The following ITGB6 variants were observed in gnomAD, a reference collection of about 807,000 sequenced individuals.
ITGB6 encodes the protein integrin subunit beta 6.
A neutral mutation model predicts 84.5 loss-of-function variants in ITGB6; 80 were observed. The ratio of observed to expected loss-of-function variants is 0.95; its 90% CI spans 0.79 to 1.14. The LOEUF (loss-of-function observed/expected upper bound fraction) is 1.14, where lower values mean the gene tolerates loss of function less well. Ranked by LOEUF, ITGB6 falls within the 50% of genes most tolerant of loss-of-function variation. The probability of loss-of-function intolerance (pLI) is 0.00; values close to 1 mark genes in which losing one functional copy is unlikely to be tolerated. For synonymous variants in ITGB6, 383 were observed against 354.9 expected (o/e 1.08, Z -0.89); for missense variants, 1,006 against 968.0 (o/e 1.04, Z -0.52).
At chr2:160,118,016 T>A (rs1682862078) in intron 12 of ITGB6, among the ~76,000 whole-genome samples, 1 of 152,218 alleles carries the variant, frequency 6.6e-6, no homozygotes, top group Non-Finnish European at 1.5e-5. Context: ...ATTGTGGCAA[T>A]AATCAATAGC....
chr2:160,118,308 T>C (rs1682873894), intron 12 of ITGB6, among the ~76,000 whole-genome samples: 1 of 152,202 alleles, frequency 6.6e-6, no homozygotes, highest in Non-Finnish European at 1.5e-5. Context: ...TCAAAAAGCT[T>C]ATCCACCATG....
intron 3 of ITGB6, 28 bp from the exon 4 acceptor site, chr2:160,195,643 C>T (rs908228818): frequency 3.1e-6 from 5 of 1,611,518 alleles, no homozygotes; most frequent in Admixed American, 1.7e-5. Flanking sequence ...AAAAGCAAAC[C>T]CAGGAAAACA....
At position 160,132,764 on chromosome 2, in the gene ITGB6, T is replaced by G. The variant is rs147730370; in HGVS notation, c.1660+4670A>C. Among the ~76,000 whole-genome samples the G allele has an allele frequency of 8.6e-3, 1,312 of 152,306 alleles. 25 individuals carry two copies. The highest frequency in any genetic ancestry group is 0.028 in the African/African-American group (1,175 of 41,576). Reference sequence around the variant, plus strand: ...TAAAAGAATGATTTTACAATAGTCATATACAATATATCGTTAAACTATAGC... The same window carrying G: ...TAAAAGAATGATTTTACAATAGTCAGATACAATATATCGTTAAACTATAGC... On this transcript the variant is annotated intron_variant, in intron 10 of 14. Transcript: ENST00000283249.
At chr2:160,158,009 A>C (rs1684690693) in intron 7 of ITGB6, among the ~76,000 whole-genome samples, 1 of 152,146 alleles carries the variant, frequency 6.6e-6, no homozygotes, top group African/African-American at 2.4e-5. Context: ...ATTATGCAAA[A>C]GTTTACCCCC....
intron 11 of ITGB6, among the ~76,000 whole-genome samples, chr2:160,124,230 G>A (rs908592952): frequency 3.3e-5 from 5 of 152,292 alleles, no homozygotes; most frequent in South Asian, 2.1e-4. Context: ...TACAGAGAGC[G>A]TATGTTCCTA....
Position 160,101,522 on chromosome 2 carries a change from C to T in ITGB6, c.*214G>A, listed in dbSNP as rs941055511. 8 of 512,360 alleles carry T rather than the reference C, an allele frequency of 1.6e-5. No homozygotes were observed. Among genetic ancestry groups the T allele is most frequent in the Non-Finnish European group, 2.7e-5 (8 of 292,380 alleles). 31.7% of individuals were successfully genotyped at this position (512,360 alleles called of 1,614,324 possible). A position where few individuals can be genotyped will look rare whatever the true frequency, so the allele number is the denominator to read the frequency against. ...ACAGAGTTAGTATTCCTCAAATGAT[C>T]CCCAAAGTCATCTCTTTGCTAAGGA... On this transcript the variant is annotated 3_prime_UTR_variant, in exon 15 of 15. Coordinates refer to ENST00000283249, the MANE Select transcript of ITGB6 (RefSeq NM_000888.5).
chr2:160,188,955 C>G (rs936482851), intron 4 of ITGB6, among the ~76,000 whole-genome samples: 4 of 152,082 alleles, frequency 2.6e-5, no homozygotes, highest in Non-Finnish European at 5.9e-5. Context: ...TCAAACTATA[C>G]TACAAGGCTA....
chr2:160,146,492 A>C (rs1461422177), intron 7 of ITGB6, among the ~76,000 whole-genome samples: 1 of 152,198 alleles, frequency 6.6e-6, no homozygotes, highest in African/African-American at 2.4e-5. Context: ...CTGGAAATAG[A>C]CTTACTATAT....
At chr2:160,158,600 G>A (rs1404821690) in intron 7 of ITGB6, among the ~76,000 whole-genome samples, 1 of 152,232 alleles carries the variant, frequency 6.6e-6, no homozygotes, top group Non-Finnish European at 1.5e-5. Context: ...AGGAAGTGAT[G>A]TGGGGTTCAG....
At chr2:160,184,850 A>G (rs907397004) in intron 4 of ITGB6, among the ~76,000 whole-genome samples, 17 of 152,218 alleles carry the variant, frequency 1.1e-4, no homozygotes, top group African/African-American at 3.9e-4. Flanking sequence ...AACATAATCC[A>G]TCGCATAAAC....
chr2:160,172,872 T>C, intron 5 of ITGB6, 142 bp from the exon 6 acceptor site: 1 of 567,966 alleles, frequency 1.8e-6, no homozygotes, highest in Non-Finnish European at 3.1e-6. Context: ...CGTGAATTGA[T>C]AATATTAATG....
At chr2:160,116,722 T>C (rs928781899) in intron 12 of ITGB6, among the ~76,000 whole-genome samples, 32 of 152,180 alleles carry the variant, frequency 2.1e-4, no homozygotes, top group Non-Finnish European at 4.3e-4. Flanking sequence ...GACTGGCAAA[T>C]TGGATGAAGA....
chr2:160,173,656 AT>A (rs1282161077), intron 5 of ITGB6, among the ~76,000 whole-genome samples: 3 of 152,230 alleles, frequency 2.0e-5, no homozygotes, highest in African/African-American at 7.2e-5. Context: ...TCTACCCTTG[AT>A]TTTTTTATCA....
At chr2:160,128,580 C>T (rs141764326) in intron 10 of ITGB6, among the ~76,000 whole-genome samples, 97 of 152,236 alleles carry the variant, frequency 6.4e-4, no homozygotes, top group African/African-American at 2.3e-3. Context: ...AGGCGGTGCC[C>T]ATGGGAGCAG....
At chr2:160,116,663 A>G (rs914575993) in intron 12 of ITGB6, among the ~76,000 whole-genome samples, 2 of 149,186 alleles carry the variant, frequency 1.3e-5, no homozygotes, top group African/African-American at 5.0e-5. Flanking sequence ...ACACATAACA[A>G]TATTAACTTT....
chr2:160,155,637 A>G (rs1246983670), intron 7 of ITGB6, among the ~76,000 whole-genome samples: 5 of 152,170 alleles, frequency 3.3e-5, no homozygotes, highest in Non-Finnish European at 7.3e-5. Context: ...TTGTTTTTAA[A>G]AATTAAGAAT....
chr2:160,148,732 G>C (rs778627477), intron 7 of ITGB6, among the ~76,000 whole-genome samples: 17 of 152,300 alleles, frequency 1.1e-4, no homozygotes, highest in Non-Finnish European at 1.8e-4. Flanking sequence ...GGAAAAACGG[G>C]ACATTCACAC....
In ITGB6 at chr2:160,200,118, A is replaced by G; in HGVS notation, c.-55T>C. The G allele has an allele frequency of 7.4e-7, 1 of 1,346,696 alleles. No individual in the cohort carries two copies. Among genetic ancestry groups the G allele is most frequent in the Admixed American group, 1.7e-5 (1 of 58,672 alleles). 83.4% of individuals were successfully genotyped at this position (1,346,696 alleles called of 1,614,324 possible). ...TAAAAAATGAATTACCTTCAGCGTT[A>G]CAAGACCAACGCTGAATATCGTTAA... On this transcript the variant is annotated 5_prime_UTR_variant, in exon 1 of 15. Transcript: ENST00000283249.
intron 7 of ITGB6, among the ~76,000 whole-genome samples, chr2:160,154,417 AC>A (rs1684546842): frequency 7.0e-6 from 1 of 143,660 alleles, no homozygotes; most frequent in African/African-American, 2.5e-5. Context: ...GGAACATCAC[AC>A]AGCAGGGCCT....
Sources: gnomAD v4.1 joint callset for allele counts (sites outside exome capture counted in the v4.1 genomes callset) on GRCh38, gnomAD v4.1.1 for gene constraint, MANE v1.5 for transcripts, NCBI Gene and HGNC (gene_info 2026-07-23, HGNC 2026-07-21) for gene names.